Variants in TNK2 observed in about 807,000 individuals in gnomAD.
The protein encoded by TNK2 is activated CDC42 kinase 1.
Under a neutral mutation model 101.8 loss-of-function variants are expected in TNK2, and 83 were observed. That is an observed-to-expected ratio of 0.82 (90% CI 0.68 to 0.98). The LOEUF is 0.98. TNK2 is among the 50% of genes least tolerant of loss of function. The pLI is 0.00. For missense variants in TNK2, 1,665 were observed against 1,483.2 expected, an observed-to-expected ratio of 1.12 and a Z score of -2.01; for synonymous variants, 804 against 633.0, an observed-to-expected ratio of 1.27 and a Z score of -4.06.
At chr3:195,887,802 T>C (rs1160772731) in intron 2 of TNK2, among the ~76,000 whole-genome samples, 1 of 151,188 alleles carries the variant, frequency 6.6e-6, no homozygotes, top group Non-Finnish European at 1.5e-5. Flanking sequence ...CATGTGTGTA[T>C]GCCGTGCGTG....
chr3:195,892,397 T>C, intron 1 of TNK2: 2 of 1,527,746 alleles, frequency 1.3e-6, no homozygotes, highest in Non-Finnish European at 8.8e-7. Flanking sequence ...GTCCAGCCCC[T>C]GCCCCCCACT....
chr3:195,865,033 A>G (rs557632010), intron 15 of TNK2, among the ~76,000 whole-genome samples: 58 of 140,402 alleles, frequency 4.1e-4, no homozygotes, highest in African/African-American at 1.5e-3. Flanking sequence ...GGTGCAAATC[A>G]GTAAGAACCA....
Position 195,872,369 on chromosome 3 carries a change from TC to T in TNK2, c.1357del (p.Asp453ThrfsTer45), listed in dbSNP as rs1247013512. 8.7e-6 allele frequency: 14 copies of T among 1,613,210 alleles called. No individual in the cohort carries two copies. Among genetic ancestry groups the T allele is most frequent in the Non-Finnish European group, 1.2e-5 (14 of 1,179,900 alleles). On this transcript the variant is annotated frameshift_variant, in exon 10 of 16. Coordinates refer to ENST00000672887, the MANE Select transcript of TNK2 (RefSeq NM_001382273.1). LOFTEE classifies it high-confidence loss of function. ...VTSVAGLSAQ[D>X]ISQPLQNSFI... Reference sequence around the variant, plus strand: ...GCTGTTCTGCAGGGGCTGGCTGATGTCCTGGGCCGACAGGCCGGCCACGGAG... The same window carrying T: ...GCTGTTCTGCAGGGGCTGGCTGATGTCTGGGCCGACAGGCCGGCCACGGAG...
chr3:195,879,429 C>T (rs566229670), intron 6 of TNK2: 1 of 400,912 alleles, frequency 2.5e-6, no homozygotes, highest in South Asian at 3.5e-5. Context: ...AGTTTCCCAG[C>T]CAGAGAAGCA....
chr3:195,870,324 G>A, intron 10 of TNK2, 119 bp from the exon 11 acceptor site: 2 of 1,531,188 alleles, frequency 1.3e-6, no homozygotes, highest in South Asian at 1.1e-5. Flanking sequence ...TGAAGCACAG[G>A]CCTCCCGCCT....
intron 1 of TNK2, among the ~76,000 whole-genome samples, chr3:195,890,191 G>A (rs1757804022): frequency 6.6e-6 from 1 of 152,204 alleles, no homozygotes; most frequent in Non-Finnish European, 1.5e-5. Context: ...ACTTAAAGCT[G>A]TAACCCTTTA....
intron 2 of TNK2, among the ~76,000 whole-genome samples, chr3:195,887,560 AAGTC>A (rs564225742): frequency 6.1e-4 from 93 of 151,706 alleles, no homozygotes; most frequent in African/African-American, 2.1e-3. Flanking sequence ...TATTTTAACT[AAGTC>A]AGTGTCTAAC....
Position 195,868,337 on chromosome 3 carries a change from G to A in TNK2, c.1961C>T (p.Ala654Val), listed in dbSNP as rs1477354282. The A allele has an allele frequency of 1.9e-6, 3 of 1,602,012 alleles. No individual in the cohort carries two copies. The highest frequency in any genetic ancestry group is 1.1e-5 in the South Asian group (1 of 90,992). ...LPPPPAYDDV[A>V]QDEDDFEICS... is the part of the protein sequence containing the mutation. ...GATCTCAAAGTCATCCTCATCCTGG[G>A]CCACGTCGTCATAGGCGGGCGGGGG... The change falls in exon 13 of 16, where the codon GCC (alanine) becomes GTC (valine). Residue 654 changes from alanine to valine, a missense_variant. By Grantham distance (64) the Ala-to-Val change is moderately conservative. Around this residue, in one of 3 missense-constraint regions of TNK2, gnomAD observed 1,136 missense variants for 894.9 expected, o/e 1.27. Transcript: ENST00000672887.
Position 195,878,991 on chromosome 3 carries a change from A to C in TNK2, c.1014+58T>G. The C allele has an allele frequency of 6.3e-7, 1 of 1,592,140 alleles. No homozygotes were observed. The highest frequency in any genetic ancestry group is 8.6e-7 in the Non-Finnish European group (1 of 1,169,406). ...GGCAGTTCCAGCAGGGCCAGGCTGCAAGCAGGGAATGGAATTCACCCCACC... is the reference window on the plus strand; with the variant it reads ...GGCAGTTCCAGCAGGGCCAGGCTGCCAGCAGGGAATGGAATTCACCCCACC... On this transcript the variant is annotated intron_variant, in intron 7 of 15. Transcript: ENST00000672887. The surrounding 1 kb of genome is among the most constrained non-coding windows in gnomAD (Gnocchi z 4.7).
intron 4 of TNK2, chr3:195,883,854 G>T (rs1312879345): frequency 2.0e-5 from 3 of 152,598 alleles, no homozygotes; most frequent in Admixed American, 1.3e-4. Context: ...ATTAAAAGGT[G>T]TTTTGCTGTA....
chr3:195,883,041 G>T, intron 5 of TNK2, 116 bp downstream of exon 5: 2 of 1,319,998 alleles, frequency 1.5e-6, no homozygotes, highest in East Asian at 2.4e-5. Context: ...CATCAGGTTG[G>T]GGGACCAAAG....
In TNK2 at chr3:195,868,494, G is replaced by T; in HGVS notation, c.1804C>A (p.Pro602Thr). The part of the protein sequence containing the change: ...PVVPALRPCA[P>T]SLAQLAMDAC... ...TCCATGGCCAGCTGCGCCAGGGAGG[G>T]CGCGCAGGGCCGTAGGGCCGGGACC... Residue 602 changes from proline to threonine, a missense_variant, in exon 13 of 16, where the codon CCC becomes ACC. Transcript: ENST00000672887. The T allele has an allele frequency of 6.5e-7, 1 of 1,548,406 alleles. No homozygotes were observed. Among genetic ancestry groups the T allele is most frequent in the Admixed American group, 2.1e-5 (1 of 47,220 alleles).
chr3:195,903,497 A>G (rs971904522), intron 1 of TNK2, among the ~76,000 whole-genome samples: 12 of 152,110 alleles, frequency 7.9e-5, no homozygotes, highest in African/African-American at 2.6e-4. Flanking sequence ...CGGGCAGGTC[A>G]CCTGAGGTCA....
At chr3:195,893,311 A>ACC (rs1759346961) in intron 1 of TNK2, among the ~76,000 whole-genome samples, 1 of 151,846 alleles carries the variant, frequency 6.6e-6, no homozygotes, top group African/African-American at 2.4e-5. Flanking sequence ...CAGTCCAGCC[A>ACC]AGAGCAAGGG....
At position 195,866,941 on chromosome 3, in the gene TNK2, G is replaced by A; in HGVS notation, c.3109C>T (p.Leu1037=). The change falls in exon 15 of 16, where the codon CTG becomes TTG. Residue 1037 remains leucine (L), a synonymous_variant. Coordinates refer to ENST00000672887, the MANE Select transcript of TNK2 (RefSeq NM_001382273.1). ...HKVLEMFDWN[L]EQAGCHLLGS... is the part of the protein sequence containing the mutation. ...AGAAGGTGGCAGCCGGCCTGCTCCA[G>A]GTTCCAGTCGAACATCTCCAGCACT... is the stretch of plus-strand genomic sequence containing the variant. 4.3e-6 allele frequency: 7 copies of A among 1,612,880 alleles called. No individual in the cohort carries two copies. The highest frequency in any genetic ancestry group is 5.9e-6 in the Non-Finnish European group (7 of 1,179,792).
intron 1 of TNK2, among the ~76,000 whole-genome samples, chr3:195,903,333 C>T (rs1238204447): frequency 6.6e-6 from 1 of 152,194 alleles, no homozygotes; most frequent in Non-Finnish European, 1.5e-5. Flanking sequence ...AGCCACCGCG[C>T]CCGGCCAGCT....
At position 195,885,299 on chromosome 3, in the gene TNK2, C is replaced by T. The variant is rs576145120; in HGVS notation, c.235-266G>A. Reference sequence around the variant, plus strand: ...CATGCAGCCTGTGGCTGAGCGGCCCCACACCCAGCTGTGTGGAGAGGGAGG... The same window carrying T: ...CATGCAGCCTGTGGCTGAGCGGCCCTACACCCAGCTGTGTGGAGAGGGAGG... On this transcript the variant is annotated intron_variant, in intron 3 of 15. Coordinates refer to ENST00000672887, the MANE Select transcript of TNK2 (RefSeq NM_001382273.1). The surrounding 1 kb of genome is among the most constrained non-coding windows in gnomAD (Gnocchi z 4.7). 7.5e-7 allele frequency: 1 copy of T among 1,336,712 alleles called. No individual in the cohort carries two copies. Among genetic ancestry groups the T allele is most frequent in the East Asian group, 2.7e-5 (1 of 37,226 alleles). The allele number at this position is 1,336,712 out of a possible 1,614,324, so 82.8% of individuals were successfully genotyped here.
chr3:195,870,296 C>T lies in TNK2; in HGVS notation c.1452-91G>A, dbSNP rs113517950. 1.4e-4 allele frequency: 215 copies of T among 1,563,036 alleles called. 1 individual carries two copies. Among genetic ancestry groups the T allele is most frequent in the Middle Eastern group, 6.9e-4 (4 of 5,790 alleles). ...AGAGCCCCTTCGTCCTGGAGGAAAC[C>T]GGGTGTAGTCTTGGGTCTGAAGCAC... is the stretch of plus-strand genomic sequence containing the variant. On this transcript the variant is annotated intron_variant, in intron 10 of 15. Transcript: ENST00000672887.
intron 12 of TNK2, chr3:195,869,093 C>T: frequency 2.1e-6 from 1 of 469,522 alleles, no homozygotes; most frequent in Non-Finnish European, 3.9e-6. Flanking sequence ...TTAGTGCAGG[C>T]ACGGAGCCGC....
Sources: allele counts gnomAD v4.1 joint callset (sites outside exome capture counted in the v4.1 genomes callset), GRCh38; gene constraint gnomAD v4.1.1; regional missense constraint gnomAD v4.1.1; non-coding constraint Gnocchi (gnomAD v3.1); transcripts MANE v1.5; gene names NCBI Gene and HGNC (gene_info 2026-07-23, HGNC 2026-07-21).